MCC: variants seen among roughly 807,000 people sequenced by gnomAD.
The protein encoded by MCC is MCC regulator of Wnt signaling pathway.
A neutral mutation model predicts 116.2 loss-of-function variants in MCC; 90 were observed. The observed-to-expected ratio is 0.77, with a 90% CI of 0.65 to 0.92. MCC has a LOEUF of 0.92. MCC is among the 40% of genes least tolerant of loss of function. The pLI is 0.00. For missense variants in MCC, 1,516 were observed against 1,312.2 expected, an observed-to-expected ratio of 1.16 and a Z score of -2.40; for synonymous variants, 578 against 510.5, an observed-to-expected ratio of 1.13 and a Z score of -1.78.
At chr5:113,331,143 T>TCATAGATTGCATCACCAG (rs1767687056) in intron 3 of MCC, among the ~76,000 whole-genome samples, 1 of 151,942 alleles carries the variant, frequency 6.6e-6, no homozygotes, top group African/African-American at 2.4e-5. Flanking sequence ...GTGGAGAGGT[T>TCATAGATTGCATCACCAG]CTGGGTTCCT....
rs1340152842 is a variant in MCC at position 113,027,393 on chromosome 5, C to T, written c.2969G>A (p.Arg990Lys). The stretch of plus-strand genomic sequence containing the variant: ...GAGCATCCTCACTTGGGTCTCATGT[C>T]TCTCCACCATGGCCATCATCTGCGA... Reference protein sequence around the residue: ...LESQMMAMVERHETQVRMLKQ... With the variant: ...LESQMMAMVEKHETQVRMLKQ... Residue 990 changes from arginine to lysine, a missense_variant, in exon 19 of 19, where the codon AGA becomes AAA. Physicochemically the swap from Arg to Lys is conservative, Grantham distance 26. Coordinates refer to ENST00000408903, the MANE Select transcript of MCC (RefSeq NM_001085377.2). The T allele has an allele frequency of 3.1e-6, 5 of 1,614,068 alleles. No homozygotes were observed. The East Asian group carries it at 1.1e-4, about 36-fold the overall frequency.
intron 15 of MCC, among the ~76,000 whole-genome samples, chr5:113,051,298 G>C (rs779826849): frequency 2.0e-5 from 3 of 152,140 alleles, no homozygotes; most frequent in Non-Finnish European, 2.9e-5. Context: ...CACTGACGAA[G>C]AATGAGCGGA....
chr5:113,032,178 G>C (rs1365605661), intron 17 of MCC, among the ~76,000 whole-genome samples: 1 of 152,110 alleles, frequency 6.6e-6, no homozygotes, highest in Non-Finnish European at 1.5e-5. Context: ...TGGTAGGCCG[G>C]GGCTGGCGGA....
chr5:113,397,027 C>T (rs932038394), intron 1 of MCC, among the ~76,000 whole-genome samples: 1 of 152,070 alleles, frequency 6.6e-6, no homozygotes, highest in Admixed American at 6.5e-5. Context: ...AAAGGGAAAC[C>T]AGAGAGACAC....
intron 3 of MCC, among the ~76,000 whole-genome samples, chr5:113,268,565 C>A (rs1312385545): frequency 6.6e-6 from 1 of 152,126 alleles, no homozygotes; most frequent in Non-Finnish European, 1.5e-5. Context: ...CTAGATGATA[C>A]GACATCTTCT....
At chr5:113,294,738 C>T (rs1021183701) in intron 3 of MCC, 48 of 997,856 alleles carry the variant, frequency 4.8e-5, no homozygotes, top group Admixed American at 1.8e-4. Context: ...GGTGCCTCGC[C>T]GCCCCCCATT....
chr5:113,152,232 C>T (rs1759924170), intron 3 of MCC, among the ~76,000 whole-genome samples: 2 of 152,228 alleles, frequency 1.3e-5, no homozygotes, highest in South Asian at 4.1e-4. Flanking sequence ...TGTTCAACTT[C>T]CAAGTTCTAA....
intron 1 of MCC, among the ~76,000 whole-genome samples, chr5:113,425,898 G>A (rs1226243996): frequency 1.3e-5 from 2 of 152,020 alleles, no homozygotes; most frequent in African/African-American, 4.8e-5. Flanking sequence ...GAGAGGCCAA[G>A]GATCTATGTC....
In MCC at chr5:113,476,957, G is replaced by A. The variant is rs113936916; in HGVS notation, c.170+11288C>T. On this transcript the variant is annotated intron_variant, in intron 1 of 18. Coordinates refer to ENST00000408903, the MANE Select transcript of MCC (RefSeq NM_001085377.2). ...CTTAAAGAAATGTATGTGAAAAGCC[G>A]CATTGAGTAGTGGTCATGACCTTCA... 2.6e-3 allele frequency among the ~76,000 whole-genome samples: 391 copies of A among 152,284 alleles called. 2 individuals carry two copies. Among genetic ancestry groups the A allele is most frequent in the African/African-American group, 6.5e-3 (272 of 41,572 alleles).
rs374069469 is a variant in MCC, at chr5:113,483,717, G to A, written c.170+4528C>T. Among the ~76,000 whole-genome samples the A allele has an allele frequency of 6.8e-4, 104 of 152,098 alleles. 1 individual carries two copies. The South Asian group carries it at 8.3e-3, about 12-fold the overall frequency. On this transcript the variant is annotated intron_variant, in intron 1 of 18. Transcript: ENST00000408903. ...GTATATACTCAAAGGAATATAAATC[G>A]TTGTATTATAAAGACACATGCACCT...
At chr5:113,206,350 T>C (rs1163221270) in intron 3 of MCC, among the ~76,000 whole-genome samples, 1 of 152,224 alleles carries the variant, frequency 6.6e-6, no homozygotes, top group Non-Finnish European at 1.5e-5. Flanking sequence ...TTAAAAATTA[T>C]CTTTGACAAT....
chr5:113,184,472 G>GTTTTTTTTTTTT lies in MCC; in HGVS notation c.628-33051_628-33050insAAAAAAAAAAAA, dbSNP rs200787776. ...ACATAGCAATTTAGTTTCTTTCTTC[G>GTTTTTTTTTTTT]TTTTTTGTTTTTTTTTTTTTTTTTT... On this transcript the variant is annotated intron_variant, in intron 3 of 18. Transcript: ENST00000408903. Among the ~76,000 whole-genome samples, 4 of 123,796 alleles carry GTTTTTTTTTTTT rather than the reference G, an allele frequency of 3.2e-5. 1 individual carries two copies. The highest frequency in any genetic ancestry group is 4.8e-5 in the Non-Finnish European group (3 of 62,026). The allele number at this position is 123,796 out of a possible 152,430, so 81.2% of individuals were successfully genotyped here.
At chr5:113,435,167 G>C (rs1561571166) in intron 1 of MCC, 1 of 309,878 alleles carries the variant, frequency 3.2e-6, no homozygotes, top group East Asian at 5.3e-5. Context: ...TGGGACCTGA[G>C]GTAGAAGGGG....
At chr5:113,341,153 ACT>A (rs755264983) in intron 2 of MCC, among the ~76,000 whole-genome samples, 1 of 151,098 alleles carries the variant, frequency 6.6e-6, no homozygotes, top group Non-Finnish European at 1.5e-5. Flanking sequence ...CTTTATCATG[ACT>A]CTCTTTTTCT....
chr5:113,292,874 T>C (rs1481560843), intron 3 of MCC, among the ~76,000 whole-genome samples: 1 of 152,156 alleles, frequency 6.6e-6, no homozygotes, highest in South Asian at 2.1e-4. Context: ...GAAACAGGGT[T>C]AGTGATGGAG....
intron 1 of MCC, among the ~76,000 whole-genome samples, chr5:113,468,397 G>T (rs1416754974): frequency 1.3e-5 from 2 of 152,202 alleles, no homozygotes; most frequent in Non-Finnish European, 2.9e-5. Context: ...ATGAAAGGTT[G>T]TTGAACTTTG....
intron 12 of MCC, 124 bp from the exon 13 acceptor site, chr5:113,068,307 GAA>G: frequency 1.5e-6 from 1 of 681,632 alleles, no homozygotes; most frequent in South Asian, 1.7e-5. Flanking sequence ...CACAGGCAAG[GAA>G]ACCACCCATG....
intron 3 of MCC, among the ~76,000 whole-genome samples, chr5:113,154,769 T>C (rs930174606): frequency 2.0e-5 from 3 of 152,218 alleles, no homozygotes; most frequent in Non-Finnish European, 4.4e-5. Flanking sequence ...TTTACTGAAA[T>C]ATAATATTTA....
intron 13 of MCC, among the ~76,000 whole-genome samples, chr5:113,067,395 C>A (rs898983850): frequency 2.0e-5 from 3 of 152,184 alleles, no homozygotes; most frequent in African/African-American, 4.8e-5. Flanking sequence ...CGCATGTAAT[C>A]CCAGCACTTT....
Sources: allele counts gnomAD v4.1 joint callset (sites outside exome capture counted in the v4.1 genomes callset), GRCh38; gene constraint gnomAD v4.1.1; transcripts MANE v1.5; gene names NCBI Gene and HGNC (gene_info 2026-07-23, HGNC 2026-07-21).